PARP12: variants seen among roughly 807,000 people sequenced by gnomAD.
PARP12 encodes the protein poly(ADP-ribose) polymerase family member 12.
Under a neutral mutation model 72.4 loss-of-function variants are expected in PARP12, and 59 were observed. The observed-to-expected ratio is 0.81, with a 90% confidence interval of 0.66 to 1.01. The LOEUF (loss-of-function observed/expected upper bound fraction) is 1.01, where lower values mean the gene tolerates loss of function less well. Ranked by LOEUF, PARP12 falls within the 50% of genes least tolerant of loss-of-function variation. The pLI is 0.00. For missense variants in PARP12, 851 were observed against 914.0 expected, an observed-to-expected ratio of 0.93 and a Z score of 0.89; for synonymous variants, 403 against 371.4, an observed-to-expected ratio of 1.09 and a Z score of -0.98.
At chr7:140,046,817 T>TGTGTGTGTGG (rs1401838144) in intron 5 of PARP12, 67 bp downstream of exon 5, 1 of 1,475,528 alleles carries the variant, frequency 6.8e-7, no homozygotes, top group African/African-American at 1.5e-5. Flanking sequence ...TGTGTGTGTG[T>TGTGTGTGTGG]GTGTGTGTGT....
chr7:140,040,677 G>A (rs1816427219), intron 6 of PARP12, among the ~76,000 whole-genome samples: 1 of 152,180 alleles, frequency 6.6e-6, no homozygotes, highest in Admixed American at 6.5e-5. Context: ...AGAAACTAAA[G>A]CTTCAATATA....
chr7:140,041,718 G>A lies in PARP12; in HGVS notation c.1108C>T (p.His370Tyr). Reference protein sequence around the residue: ...STASSVTKPPHFILTTDWIWY... With the variant: ...STASSVTKPPYFILTTDWIWY... ...ATCCAGTCAGTGGTGAGGATGAAGTGTGGAGGTTTGGTGACAGAGGAGGCC... is the reference window on the plus strand; with the variant it reads ...ATCCAGTCAGTGGTGAGGATGAAGTATGGAGGTTTGGTGACAGAGGAGGCC... The change falls in exon 6 of 12, where the codon CAC becomes TAC. Residue 370 changes from histidine to tyrosine, a missense_variant. His to Tyr is a moderately conservative substitution (Grantham distance 83). Around this residue, in one of 3 missense-constraint regions of PARP12, gnomAD observed 492 missense variants for 489.3 expected, o/e 1.01. Coordinates refer to ENST00000263549, the MANE Select transcript of PARP12 (RefSeq NM_022750.4). 1 of 1,614,218 alleles carries A rather than the reference G, an allele frequency of 6.2e-7. No individual in the cohort carries two copies. The highest frequency in any genetic ancestry group is 8.5e-7 in the Non-Finnish European group (1 of 1,180,040).
intron 7 of PARP12, 25 bp downstream of exon 7, chr7:140,037,690 T>A (rs201468992): frequency 6.2e-7 from 1 of 1,610,386 alleles, no homozygotes; most frequent in Admixed American, 1.7e-5. Flanking sequence ...CAGGCTCTGC[T>A]GGGCGAGGGC....
At position 140,056,811 on chromosome 7, in the gene PARP12, CCTCCCGTG is replaced by C. The variant is rs752132767; in HGVS notation, c.760+37_760+44del. The C allele has an allele frequency of 9.9e-6, 15 of 1,519,372 alleles. No individual in the cohort carries two copies. The East Asian group carries it at 1.6e-4, about 16-fold the overall frequency. 94.1% of individuals were successfully genotyped at this position (1,519,372 alleles called of 1,614,324 possible). On this transcript the variant is annotated intron_variant, in intron 3 of 11. Transcript: ENST00000263549. ...GAATCCGGGAACCCCCAGCCCAGGA[CCTCCCGTG>C]CTCCCCACCAGCCTTACCACTCCCC...
At chr7:140,033,964 T>C in intron 8 of PARP12, 1 of 1,067,514 alleles carries the variant, frequency 9.4e-7, no homozygotes, top group Non-Finnish European at 1.1e-6. Context: ...TGGCTTCAAG[T>C]CTAGACTCGC....
At chr7:140,044,272 G>A (rs542157881) in intron 5 of PARP12, among the ~76,000 whole-genome samples, 65 of 152,154 alleles carry the variant, frequency 4.3e-4, no homozygotes, top group Non-Finnish European at 7.9e-4. Context: ...CCATGAATGC[G>A]ATCTTATTTG....
chr7:140,049,029 T>C (rs1816848894), intron 4 of PARP12, among the ~76,000 whole-genome samples: 1 of 152,178 alleles, frequency 6.6e-6, no homozygotes, highest in African/African-American at 2.4e-5. Context: ...TTGAAAAAAA[T>C]TAAAATTTTC....
rs1305107802 is a variant in PARP12, at chr7:140,062,144, G to A, written c.326+378C>T. Among the ~76,000 whole-genome samples the A allele has an allele frequency of 2.0e-5, 3 of 152,296 alleles. No individual in the cohort carries two copies. In the East Asian group the frequency reaches 5.8e-4, roughly 30 times the overall value. On this transcript the variant is annotated intron_variant, in intron 1 of 11. Coordinates refer to ENST00000263549, the MANE Select transcript of PARP12 (RefSeq NM_022750.4). ...AGATCTCTACCAGCTGCTGGGCAGA[G>A]AAAACCTTCATTGTCTGGCCTCAAA...
At chr7:140,030,345 C>T (rs1247416619) in intron 8 of PARP12, among the ~76,000 whole-genome samples, 4 of 152,206 alleles carry the variant, frequency 2.6e-5, no homozygotes, top group Admixed American at 6.5e-5. Flanking sequence ...CGCCTGTAAT[C>T]CCAGCACTTT....
intron 8 of PARP12, among the ~76,000 whole-genome samples, chr7:140,031,596 A>C (rs1815940252): frequency 6.6e-6 from 1 of 152,180 alleles, no homozygotes; most frequent in African/African-American, 2.4e-5. Flanking sequence ...GGTCAGAGAG[A>C]AGAACTGAAC....
intron 9 of PARP12, among the ~76,000 whole-genome samples, chr7:140,028,312 T>C (rs1174218585): frequency 1.3e-5 from 2 of 152,182 alleles, no homozygotes; most frequent in Admixed American, 1.3e-4. Flanking sequence ...TTGGTATTTA[T>C]TGGTTAAGCC....
At chr7:140,052,416 C>A (rs1247236483) in intron 4 of PARP12, among the ~76,000 whole-genome samples, 1 of 152,106 alleles carries the variant, frequency 6.6e-6, no homozygotes, top group Non-Finnish European at 1.5e-5. Context: ...AAATGACTTA[C>A]TCATTTATAA....
chr7:140,052,928 G>T (rs552668090), intron 4 of PARP12, among the ~76,000 whole-genome samples: 1 of 152,068 alleles, frequency 6.6e-6, no homozygotes. Flanking sequence ...TGATTAGAAT[G>T]GCTAAAACTT....
chr7:140,031,723 A>G (rs1277139196), intron 8 of PARP12, among the ~76,000 whole-genome samples: 2 of 150,936 alleles, frequency 1.3e-5, no homozygotes, highest in Admixed American at 6.6e-5. Context: ...GGCCCCCTAA[A>G]AACTAAATTA....
chr7:140,027,631 CTT>C (rs1815786380), intron 9 of PARP12: 7 of 393,254 alleles, frequency 1.8e-5, no homozygotes, highest in Non-Finnish European at 2.8e-5. Flanking sequence ...CAACAAACCT[CTT>C]GTTTATGTCA....
chr7:140,061,663 C>T (rs7794528), intron 1 of PARP12, among the ~76,000 whole-genome samples: 65,998 of 151,940 alleles, frequency 0.43, 16,318 homozygotes, highest in African/African-American at 0.66. Context: ...GGGTGAGGCC[C>T]AAATTCTTTA....
intron 7 of PARP12, among the ~76,000 whole-genome samples, chr7:140,037,018 C>T (rs996485100): frequency 1.3e-5 from 2 of 152,102 alleles, no homozygotes; most frequent in African/African-American, 2.4e-5. Flanking sequence ...ACTCCAAAGT[C>T]GCCTACAGAA....
At position 140,062,797 on chromosome 7, in the gene PARP12, G is replaced by A; in HGVS notation, c.51C>T (p.Ala17=). 1 of 1,412,888 alleles carries A rather than the reference G, an allele frequency of 7.1e-7. No individual in the cohort carries two copies. Among genetic ancestry groups the A allele is most frequent in the Non-Finnish European group, 9.3e-7 (1 of 1,080,968 alleles). 87.5% of individuals were successfully genotyped at this position (1,412,888 alleles called of 1,614,324 possible). A position where few individuals can be genotyped will look rare whatever the true frequency, so the allele number is the denominator to read the frequency against. The change falls in exon 1 of 12, where the codon GCC becomes GCT. Residue 17 remains alanine (A), a synonymous_variant. Transcript: ENST00000263549. Reference sequence around the variant, plus strand: ...GCTCGGGCAACTCCAGGGCGCCCCCGGCCGCGCACAGCACCTGGGTGACCT... The same window carrying A: ...GCTCGGGCAACTCCAGGGCGCCCCCAGCCGCGCACAGCACCTGGGTGACCT... The part of the protein sequence containing the change: ...VGEVTQVLCA[A]GGALELPELR...
intron 6 of PARP12, among the ~76,000 whole-genome samples, chr7:140,040,782 G>C (rs143178145): frequency 1.1e-3 from 162 of 152,302 alleles, no homozygotes; most frequent in African/African-American, 3.5e-3. Context: ...ACTTGTACTT[G>C]AGATGGAATC....
Sources: gnomAD v4.1 joint callset for allele counts (sites outside exome capture counted in the v4.1 genomes callset) on GRCh38, gnomAD v4.1.1 for gene constraint, gnomAD v4.1.1 regional missense constraint, MANE v1.5 for transcripts, NCBI Gene and HGNC (gene_info 2026-07-23, HGNC 2026-07-21) for gene names.